Variants in TAF8 observed in about 807,000 individuals in gnomAD.
TAF8 encodes the protein TATA-box binding protein associated factor 8, also known as transcription initiation factor TFIID subunit 8.
In TAF8, 47 loss-of-function variants were observed where a neutral mutation model predicts 36.5. The observed-to-expected ratio is 1.29, with a 90% confidence interval of 1.02 to 1.64. The LOEUF (loss-of-function observed/expected upper bound fraction) is 1.64, where lower values mean the gene tolerates loss of function less well. Among genes scored for constraint, TAF8 ranks in the 40% most tolerant of loss-of-function variants. The probability of loss-of-function intolerance (pLI) is 0.00; values close to 1 mark genes in which losing one functional copy is unlikely to be tolerated. For missense variants in TAF8, 420 were observed against 407.6 expected (o/e 1.03, Z -0.26); for synonymous variants, 175 against 159.5 (o/e 1.10, Z -0.73).
At chr6:42,052,327 CCTT>C (rs1764824241) in intron 2 of TAF8, among the ~76,000 whole-genome samples, 1 of 149,292 alleles carries the variant, frequency 6.7e-6, no homozygotes. Context: ...GCCCCCCCCC[CCTT>C]TTTTTTTTTG....
chr6:42,077,507 G>A, intron 8 of TAF8, 26 bp from the exon 9 acceptor site: 6 of 1,611,868 alleles, frequency 3.7e-6, no homozygotes, highest in Non-Finnish European at 5.1e-6. Context: ...CACACCAGGA[G>A]GCTCCATGGT....
At chr6:42,054,181 G>A (rs1249257730) in intron 2 of TAF8, among the ~76,000 whole-genome samples, 1 of 152,090 alleles carries the variant, frequency 6.6e-6, no homozygotes, top group African/African-American at 2.4e-5. Context: ...CATTCACAGA[G>A]CCGAGCTTCA....
downstream of TAF8, among the ~76,000 whole-genome samples, chr6:42,085,250 C>A (rs1766009837): frequency 6.6e-6 from 1 of 152,154 alleles, no homozygotes; most frequent in African/African-American, 2.4e-5. Flanking sequence ...GTAGAGTGTT[C>A]CATTGTATGT....
At chr6:42,055,068 C>T (rs1240034993) in intron 2 of TAF8, among the ~76,000 whole-genome samples, 2 of 151,806 alleles carry the variant, frequency 1.3e-5, no homozygotes, top group East Asian at 1.9e-4. Flanking sequence ...GGATTACAGG[C>T]GCCTACCACC....
intron 5 of TAF8, 181 bp downstream of exon 5, chr6:42,057,694 A>G: frequency 1.3e-6 from 1 of 752,560 alleles, no homozygotes; most frequent in Non-Finnish European, 2.1e-6. Context: ...CCGAGGCAGG[A>G]GGATCACTTG....
In TAF8 at chr6:42,080,250, G is replaced by A; in HGVS notation, c.*2705G>A. 1 of 982,920 alleles carries A rather than the reference G, an allele frequency of 1.0e-6. No homozygotes were observed. The highest frequency in any genetic ancestry group is 1.2e-6 in the Non-Finnish European group (1 of 829,844). 60.9% of individuals were successfully genotyped at this position (982,920 alleles called of 1,614,324 possible). On this transcript the variant is annotated 3_prime_UTR_variant, in exon 9 of 9. Coordinates refer to ENST00000372977, the MANE Select transcript of TAF8 (RefSeq NM_138572.3). Reference sequence around the variant, plus strand: ...GTCAGTGTTTCTGCAGCTTCCATTTGTTGTTGTTATCCAGTGTAAGCACCT... The same window carrying A: ...GTCAGTGTTTCTGCAGCTTCCATTTATTGTTGTTATCCAGTGTAAGCACCT...
rs1765951003 is a variant in TAF8, at chr6:42,082,417, A to T, written c.*4872A>T. The T allele has an allele frequency of 6.6e-6, 1 of 151,946 alleles. No homozygotes were observed. The highest frequency in any genetic ancestry group is 1.5e-5 in the Non-Finnish European group (1 of 68,026). The allele number at this position is 151,946 out of a possible 1,614,324, so 9.4% of individuals were successfully genotyped here. A position where few individuals can be genotyped will look rare whatever the true frequency, so the allele number is the denominator to read the frequency against. On this transcript the variant is annotated 3_prime_UTR_variant, in exon 9 of 9. Transcript: ENST00000372977. Reference sequence around the variant, plus strand: ...AGTGGAGCGATCCCAGCTCACTGCAACTCCTCCACCTCCCGGGTTCAAGAG... The same window carrying T: ...AGTGGAGCGATCCCAGCTCACTGCATCTCCTCCACCTCCCGGGTTCAAGAG...
chr6:42,059,921 C>G (rs1765132878), intron 5 of TAF8, among the ~76,000 whole-genome samples: 1 of 152,154 alleles, frequency 6.6e-6, no homozygotes, highest in African/African-American at 2.4e-5. Flanking sequence ...ATCAATTGCT[C>G]TGGCTTCTTC....
chr6:42,087,445 TAA>T, downstream of TAF8: 1 of 152,262 alleles, frequency 6.6e-6, no homozygotes, highest in Middle Eastern at 3.4e-3. Flanking sequence ...TACAAAAGAA[TAA>T]AACAGTTAAA....
At chr6:42,071,488 G>T (rs145514724) in intron 7 of TAF8, 3,674 of 162,738 alleles carry the variant, frequency 0.023, 67 homozygotes, top group African/African-American at 0.036. Context: ...ACCACGCCCG[G>T]CTAATTTTTG....
rs35029417 is a variant in TAF8 at position 42,079,715 on chromosome 6, ATTT to A, written c.*2186_*2188del. On this transcript the variant is annotated 3_prime_UTR_variant, in exon 9 of 9. Transcript: ENST00000372977. ...AGATGCCCGCCACCACATCTGGCTAATTTTTTTTTTTTTTTTTTAGTAGACACG... is the reference window on the plus strand; with the variant it reads ...AGATGCCCGCCACCACATCTGGCTAATTTTTTTTTTTTTTTAGTAGACACG... 523 of 432,522 alleles carry A rather than the reference ATTT, an allele frequency of 1.2e-3. No individual in the cohort carries two copies. The highest frequency in any genetic ancestry group is 1.4e-3 in the Non-Finnish European group (467 of 332,360). 26.8% of individuals were successfully genotyped at this position (432,522 alleles called of 1,614,324 possible).
chr6:42,086,571 GAAAC>G (rs1335860174), downstream of TAF8: 2 of 811,224 alleles, frequency 2.5e-6, no homozygotes, highest in Admixed American at 2.1e-5. Flanking sequence ...CTCCTGGGGA[GAAAC>G]AAACCTTTTA....
In TAF8 at chr6:42,068,580, A is replaced by T; in HGVS notation, c.753A>T (p.Thr251=). 6.2e-7 allele frequency: 1 copy of T among 1,613,800 alleles called. No homozygotes were observed. Among genetic ancestry groups the T allele is most frequent in the Non-Finnish European group, 8.5e-7 (1 of 1,180,028 alleles). Residue 251 remains threonine (T), a synonymous_variant, in exon 7 of 9, where the codon ACA becomes ACT. Coordinates refer to ENST00000372977, the MANE Select transcript of TAF8 (RefSeq NM_138572.3). Reference sequence around the variant, plus strand: ...CGGAGCAGGATGAACAGACAGACACAGAGAACCTTGCTCTTCATATCAGCA... The same window carrying T: ...CGGAGCAGGATGAACAGACAGACACTGAGAACCTTGCTCTTCATATCAGCA... The part of the protein sequence containing the change: ...DSSEQDEQTD[T]ENLALHISME...
intron 2 of TAF8, among the ~76,000 whole-genome samples, chr6:42,052,670 G>A (rs1284140936): frequency 1.3e-5 from 2 of 152,150 alleles, no homozygotes; most frequent in Non-Finnish European, 2.9e-5. Flanking sequence ...AAGCCCGGGT[G>A]TGGTCTTACA....
downstream of TAF8, among the ~76,000 whole-genome samples, chr6:42,083,558 G>A (rs923750969): frequency 2.0e-5 from 3 of 152,124 alleles, no homozygotes; most frequent in Non-Finnish European, 2.9e-5. Flanking sequence ...GTCTTATTGC[G>A]GTTTTATTTG....
chr6:42,056,099 T>G, intron 4 of TAF8, 85 bp downstream of exon 4: 1 of 878,874 alleles, frequency 1.1e-6, no homozygotes, highest in East Asian at 2.5e-5. Context: ...GGGATTGGAT[T>G]AGTAGCTACT....
chr6:42,051,537 C>G, intron 2 of TAF8, 24 bp downstream of exon 2: 2 of 1,609,360 alleles, frequency 1.2e-6, no homozygotes, highest in Non-Finnish European at 1.7e-6. Flanking sequence ...AACACTTGGC[C>G]TTGGAGTCAA....
intron 1 of TAF8, chr6:42,051,133 T>G: frequency 7.8e-7 from 1 of 1,278,250 alleles, no homozygotes; most frequent in Non-Finnish European, 9.9e-7. Flanking sequence ...TTTTATCTCA[T>G]TGGGACTGTA....
intron 7 of TAF8, among the ~76,000 whole-genome samples, chr6:42,069,940 G>C (rs1456044203): frequency 6.6e-6 from 1 of 152,164 alleles, no homozygotes; most frequent in African/African-American, 2.4e-5. Context: ...GTTTCAGGGA[G>C]AAAAGAGCAA....
Sources: gnomAD v4.1 joint callset for allele counts (sites outside exome capture counted in the v4.1 genomes callset) on GRCh38, gnomAD v4.1.1 for gene constraint, MANE v1.5 for transcripts, NCBI Gene and HGNC (gene_info 2026-07-23, HGNC 2026-07-21) for gene names.